Variants in EXOC6B observed in about 807,000 individuals in gnomAD.
The protein encoded by EXOC6B is exocyst complex component 6B, also known as SEC15 homolog B.
In EXOC6B, 54 loss-of-function variants were observed where a neutral mutation model predicts 113.5. The observed-to-expected ratio is 0.48, with a 90% CI of 0.38 to 0.60. EXOC6B has a LOEUF of 0.60. EXOC6B is among the 20% of genes least tolerant of loss of function. The probability of loss-of-function intolerance (pLI) is 0.00; values close to 1 mark genes in which losing one functional copy is unlikely to be tolerated. For missense variants in EXOC6B, 797 were observed against 977.5 expected, an observed-to-expected ratio of 0.82 and a Z score of 2.46; for synonymous variants, 357 against 339.0, an observed-to-expected ratio of 1.05 and a Z score of -0.58.
At chr2:72,411,853 ATAGAGTC>A (rs1176790634) in intron 18 of EXOC6B, among the ~76,000 whole-genome samples, 1 of 152,188 alleles carries the variant, frequency 6.6e-6, no homozygotes, top group Non-Finnish European at 1.5e-5. Context: ...GCCTGAGGAG[ATAGAGTC>A]TAAAGTTCAA....
intron 20 of EXOC6B, among the ~76,000 whole-genome samples, chr2:72,242,437 A>T (rs1682375637): frequency 6.6e-6 from 1 of 152,190 alleles, no homozygotes; most frequent in African/African-American, 2.4e-5. Context: ...TTGAAAGTAA[A>T]CCTGGATTAT....
chr2:72,719,052 C>G (rs1176668942), intron 5 of EXOC6B, among the ~76,000 whole-genome samples: 2 of 152,242 alleles, frequency 1.3e-5, no homozygotes, highest in Middle Eastern at 3.4e-3. Context: ...AACAACAAAT[C>G]AAGAAGTGTT....
At chr2:72,331,773 A>C (rs1688427986) in intron 20 of EXOC6B, among the ~76,000 whole-genome samples, 1 of 152,136 alleles carries the variant, frequency 6.6e-6, no homozygotes, top group South Asian at 2.1e-4. Context: ...GAAGTGCCAC[A>C]CAAAAGTAAA....
intron 6 of EXOC6B, among the ~76,000 whole-genome samples, chr2:72,697,617 G>T (rs1677987450): frequency 6.6e-6 from 1 of 152,132 alleles, no homozygotes; most frequent in South Asian, 2.1e-4. Context: ...CTGGGAGGCA[G>T]AGGTTGCAGT....
intron 7 of EXOC6B, among the ~76,000 whole-genome samples, chr2:72,561,033 T>C (rs1703858790): frequency 6.6e-6 from 1 of 152,030 alleles, no homozygotes; most frequent in African/African-American, 2.4e-5. Context: ...TTAGGCACCC[T>C]TATTTGAAAT....
At position 72,298,405 on chromosome 2, in the gene EXOC6B, A is replaced by G. The variant is rs183945645; in HGVS notation, c.2196+36542T>C. 4.0e-3 allele frequency among the ~76,000 whole-genome samples: 610 copies of G among 152,224 alleles called. 7 individuals carry two copies. The highest frequency in any genetic ancestry group is 0.013 in the African/African-American group (560 of 41,532). ...TTTGCACATGAGATGGATCTCCTGA[A>G]TACAGCACACTGATGGGTCTTGACT... On this transcript the variant is annotated intron_variant, in intron 20 of 21. Transcript: ENST00000272427.
chr2:72,716,282 C>A (rs570803027), intron 6 of EXOC6B, among the ~76,000 whole-genome samples: 1 of 152,264 alleles, frequency 6.6e-6, no homozygotes, highest in South Asian at 2.1e-4. Context: ...GCAAAGAAAA[C>A]CATCACAAAC....
intron 17 of EXOC6B, among the ~76,000 whole-genome samples, chr2:72,475,506 C>T (rs1698681278): frequency 6.6e-6 from 1 of 152,058 alleles, no homozygotes; most frequent in African/African-American, 2.4e-5. Context: ...TGTTCAGGTG[C>T]CAACTGTGGA....
intron 20 of EXOC6B, among the ~76,000 whole-genome samples, chr2:72,185,848 T>C (rs1678395321): frequency 6.6e-6 from 1 of 151,944 alleles, no homozygotes; most frequent in South Asian, 2.1e-4. Flanking sequence ...ACCCATTAAC[T>C]CGTCATTTAC....
chr2:72,761,669 G>A (rs1682749837), intron 1 of EXOC6B, among the ~76,000 whole-genome samples: 1 of 152,064 alleles, frequency 6.6e-6, no homozygotes, highest in Non-Finnish European at 1.5e-5. Flanking sequence ...TATGTTAGGT[G>A]GTTTGGGCAT....
chr2:72,673,194 C>T (rs1247701410), intron 6 of EXOC6B, among the ~76,000 whole-genome samples: 1 of 152,136 alleles, frequency 6.6e-6, no homozygotes. Context: ...ACTCTCAAGG[C>T]CTACATTAGT....
At chr2:72,426,933 C>T (rs942426248) in intron 18 of EXOC6B, among the ~76,000 whole-genome samples, 3 of 152,178 alleles carry the variant, frequency 2.0e-5, no homozygotes, top group African/African-American at 7.2e-5. Context: ...CCCATGTCCC[C>T]GAGGCAGCCA....
intron 10 of EXOC6B, 27 bp downstream of exon 10, chr2:72,514,607 T>TAA (rs1288050270): frequency 3.2e-5 from 9 of 281,162 alleles, no homozygotes; most frequent in African/African-American, 1.0e-4. Flanking sequence ...AATAAATAAA[T>TAA]ATATATATAT....
intron 20 of EXOC6B, among the ~76,000 whole-genome samples, chr2:72,228,910 C>T (rs898439328): frequency 6.6e-6 from 1 of 152,198 alleles, no homozygotes; most frequent in Non-Finnish European, 1.5e-5. Flanking sequence ...TATTTCTCCA[C>T]ATCCTCTCCA....
chr2:72,185,556 C>A (rs1443339683), intron 20 of EXOC6B, among the ~76,000 whole-genome samples: 1 of 152,206 alleles, frequency 6.6e-6, no homozygotes, highest in Admixed American at 6.5e-5. Flanking sequence ...GAGAGACAGG[C>A]ACACTGGTTG....
intron 20 of EXOC6B, among the ~76,000 whole-genome samples, chr2:72,289,652 C>T (rs1027438705): frequency 3.3e-5 from 5 of 151,980 alleles, no homozygotes; most frequent in African/African-American, 1.2e-4. Flanking sequence ...CACAGAATGC[C>T]CAGATATTTT....
chr2:72,442,047 T>C (rs1331226656), intron 18 of EXOC6B, among the ~76,000 whole-genome samples: 1 of 152,194 alleles, frequency 6.6e-6, no homozygotes, highest in Non-Finnish European at 1.5e-5. Flanking sequence ...AAAAAGCTTA[T>C]GCACCATGAT....
At chr2:72,270,849 C>T (rs962026979) in intron 20 of EXOC6B, among the ~76,000 whole-genome samples, 2 of 152,080 alleles carry the variant, frequency 1.3e-5, no homozygotes, top group East Asian at 1.9e-4. Context: ...TTAAGCCTCA[C>T]CTAAATGGTT....
In EXOC6B at chr2:72,225,048, C is replaced by G. The variant is rs539507778; in HGVS notation, c.2197-40861G>C. Among the ~76,000 whole-genome samples, 5 of 133,416 alleles carry G rather than the reference C, an allele frequency of 3.7e-5. No individual in the cohort carries two copies. In the South Asian group the frequency reaches 1.2e-3, roughly 31 times the overall value. The allele number at this position is 133,416 out of a possible 152,430, so 87.5% of individuals were successfully genotyped here. On this transcript the variant is annotated intron_variant, in intron 20 of 21. Transcript: ENST00000272427. ...TTTTTTTTTAGTAGAGATGGGGTTT[C>G]GCCATGTTGTCCAGGTTGGTCTCAA... is the stretch of plus-strand genomic sequence containing the variant.
Sources: gnomAD v4.1 joint callset for allele counts (sites outside exome capture counted in the v4.1 genomes callset) on GRCh38, gnomAD v4.1.1 for gene constraint, MANE v1.5 for transcripts, NCBI Gene and HGNC (gene_info 2026-07-23, HGNC 2026-07-21) for gene names.